The following PCDH19 variants were observed in gnomAD, a reference collection of about 807,000 sequenced individuals.
The protein encoded by PCDH19 is protocadherin-19.
PCDH19 carries 6 observed loss-of-function variants against 46.2 expected under a neutral mutation model. That is an observed-to-expected ratio of 0.13 (90% CI 0.07 to 0.26). The LOEUF is 0.26. Among genes scored for constraint, PCDH19 ranks in the 10% least tolerant of loss-of-function variants. The pLI, the probability that PCDH19 is intolerant of heterozygous loss-of-function variation, is 1.00. For missense variants in PCDH19, 740 were observed against 972.3 expected, an observed-to-expected ratio of 0.76 and a Z score of 3.18; for synonymous variants, 481 against 415.7, an observed-to-expected ratio of 1.16 and a Z score of -1.91.
intron 3 of PCDH19, among the ~76,000 whole-genome samples, chrX:100,379,711 G>A (rs765554930): frequency 5.3e-5 from 6 of 112,435 alleles, no homozygotes; most frequent in Non-Finnish European, 1.1e-4. Context: ...TGTTTATCCA[G>A]AGGGAATATA....
chrX:100,355,607 G>A (rs748268942), intron 3 of PCDH19, among the ~76,000 whole-genome samples: 1 of 111,573 alleles, frequency 9.0e-6, no homozygotes, highest in East Asian at 2.8e-4. Flanking sequence ...GAGATGTTGC[G>A]CTCCTAAGGG....
rs1454179418 is a variant in PCDH19 at position 100,292,874 on chromosome X, G to A, written c.*3403C>T. On this transcript the variant is annotated 3_prime_UTR_variant, in exon 6 of 6. Transcript: ENST00000373034. ...CCAAACTTGTCAGAATGCTTTGGGGGAACATTCAACATCAAAATGATCCCC... is the reference window on the plus strand; with the variant it reads ...CCAAACTTGTCAGAATGCTTTGGGGAAACATTCAACATCAAAATGATCCCC... 9.0e-6 allele frequency: 1 copy of A among 111,601 alleles called. No homozygotes were observed. Among genetic ancestry groups the A allele is most frequent in the Non-Finnish European group, 1.9e-5 (1 of 53,137 alleles). The allele number at this position is 111,601 out of a possible 1,213,427, so 9.2% of individuals were successfully genotyped here.
intron 3 of PCDH19, among the ~76,000 whole-genome samples, chrX:100,388,742 T>A (rs1927783612): frequency 9.0e-6 from 1 of 111,078 alleles, no homozygotes; most frequent in South Asian, 3.8e-4. Context: ...GTTTTTTTTT[T>A]AATCTTTGCT....
intron 5 of PCDH19, among the ~76,000 whole-genome samples, chrX:100,333,178 A>AAGGAAGG (rs1173260894): frequency 1.9e-5 from 1 of 53,894 alleles, no homozygotes; most frequent in African/African-American, 7.3e-5. Context: ...AGGAAGGGAG[A>AAGGAAGG]GAGAGAGAAA....
intron 3 of PCDH19, among the ~76,000 whole-genome samples, chrX:100,365,561 A>G (rs1927045112): frequency 1.8e-5 from 2 of 112,092 alleles, no homozygotes; most frequent in African/African-American, 6.5e-5. Flanking sequence ...GCAACCTGAC[A>G]ATGCTATGCT....
intron 5 of PCDH19, among the ~76,000 whole-genome samples, chrX:100,331,240 A>G (rs1036876443): frequency 1.8e-5 from 2 of 112,137 alleles, no homozygotes; most frequent in Non-Finnish European, 3.8e-5. Flanking sequence ...GCTCCAAAAC[A>G]GCTCTGGAGA....
intron 3 of PCDH19, among the ~76,000 whole-genome samples, chrX:100,400,927 T>C (rs1304400600): frequency 1.8e-5 from 2 of 111,517 alleles, no homozygotes; most frequent in African/African-American, 6.5e-5. Context: ...GAAATCACAT[T>C]TGCCAGGCAG....
intron 5 of PCDH19, among the ~76,000 whole-genome samples, chrX:100,333,164 A>G (rs1569294630): frequency 0.056 from 2,632 of 47,080 alleles, 176 homozygotes; most frequent in South Asian, 0.12. Flanking sequence ...GAAGGAAGGA[A>G]GGAAGGAAGG....
chrX:100,380,138 G>C (rs1927509542), intron 3 of PCDH19, among the ~76,000 whole-genome samples: 1 of 111,771 alleles, frequency 8.9e-6, no homozygotes, highest in African/African-American at 3.3e-5. Context: ...CTTTTTTAAC[G>C]AATGGCTGTG....
intron 5 of PCDH19, among the ~76,000 whole-genome samples, chrX:100,300,814 G>GA (rs112895800): frequency 0.31 from 31,522 of 101,413 alleles, 3,792 homozygotes; most frequent in Non-Finnish European, 0.36. Context: ...AAAAAATACA[G>GA]AAAAAAGTGA....
chrX:100,297,315 A>G (rs1478388700), intron 5 of PCDH19, among the ~76,000 whole-genome samples: 1 of 110,881 alleles, frequency 9.0e-6, no homozygotes, highest in Non-Finnish European at 1.9e-5. Flanking sequence ...TTTTTGAACA[A>G]CAGCACTGCC....
intron 3 of PCDH19, among the ~76,000 whole-genome samples, chrX:100,375,499 G>C (rs1370047142): frequency 8.9e-6 from 1 of 112,467 alleles, no homozygotes; most frequent in Non-Finnish European, 1.9e-5. Context: ...TATCATTGAT[G>C]GACATTTGGG....
chrX:100,319,092 T>C (rs1925398921), intron 5 of PCDH19, among the ~76,000 whole-genome samples: 1 of 111,480 alleles, frequency 9.0e-6, no homozygotes, highest in South Asian at 3.7e-4. Flanking sequence ...TGGAATTAAA[T>C]TGAATGAGGC....
At chrX:100,369,992 C>T (rs749170933) in intron 3 of PCDH19, among the ~76,000 whole-genome samples, 2 of 111,810 alleles carry the variant, frequency 1.8e-5, no homozygotes, top group African/African-American at 3.3e-5. Context: ...CCTTCCATTT[C>T]GGCATCACCA....
Position 100,410,170 on chromosome X carries a change from T to C in PCDH19, c.-1573A>G, listed in dbSNP as rs926653258. Reference sequence around the variant, plus strand: ...TGCCTCCCGGGCAAGCCAGGCATGGTGCACGGGAGCTGTGCTGCCGTCTGT... The same window carrying C: ...TGCCTCCCGGGCAAGCCAGGCATGGCGCACGGGAGCTGTGCTGCCGTCTGT... On this transcript the variant is annotated 5_prime_UTR_variant, in exon 1 of 6. Transcript: ENST00000373034. The C allele has an allele frequency of 6.8e-5, 20 of 295,514 alleles. No individual in the cohort carries two copies. Among genetic ancestry groups the C allele is most frequent in the African/African-American group, 5.5e-4 (20 of 36,293 alleles). 24.4% of individuals were successfully genotyped at this position (295,514 alleles called of 1,213,427 possible).
intron 3 of PCDH19, among the ~76,000 whole-genome samples, chrX:100,384,071 A>G (rs1927637208): frequency 8.9e-6 from 1 of 112,083 alleles, no homozygotes; most frequent in Non-Finnish European, 1.9e-5. Flanking sequence ...ATAAATTCCT[A>G]ATGAATTTAA....
Position 100,341,913 on chromosome X carries a change from C to T in PCDH19, c.2838G>A (p.Met946Ile). ...CCAACCAGTCCTTACCATGATCAGG[C>T]ATCTGAGATCCCATGGAGGTCACAC... The part of the protein sequence containing the change: ...NTSVTSMGSQ[M>I]PDHDQNEGFH... Residue 946 changes from methionine (M) to isoleucine (I), a missense_variant, in exon 5 of 6, where the codon ATG (methionine) becomes ATA (isoleucine). This residue lies in a region of PCDH19 where 416 missense variants were observed against 476.8 expected (regional missense o/e 0.87). Transcript: ENST00000373034. 8.3e-7 allele frequency: 1 copy of T among 1,210,262 alleles called. No homozygotes were observed. Among genetic ancestry groups the T allele is most frequent in the Non-Finnish European group, 1.1e-6 (1 of 894,058 alleles).
At chrX:100,351,527 C>G (rs1053076126) in intron 3 of PCDH19, among the ~76,000 whole-genome samples, 2 of 112,225 alleles carry the variant, frequency 1.8e-5, no homozygotes, top group Non-Finnish European at 3.8e-5. Flanking sequence ...AGAGAAAAGT[C>G]GACACTAAAG....
At chrX:100,363,970 G>A in intron 3 of PCDH19, among the ~76,000 whole-genome samples, 1 of 107,833 alleles carries the variant, frequency 9.3e-6, no homozygotes, top group Middle Eastern at 4.3e-3. Flanking sequence ...CTGAAATTAT[G>A]TGAAAAGCAA....
Sources: gnomAD v4.1 joint callset for allele counts (sites outside exome capture counted in the v4.1 genomes callset) on GRCh38, gnomAD v4.1.1 for gene constraint, gnomAD v4.1.1 regional missense constraint, MANE v1.5 for transcripts, NCBI Gene and HGNC (gene_info 2026-07-23, HGNC 2026-07-21) for gene names.